Variants in ABCC12 observed in about 807,000 individuals in gnomAD.
The protein encoded by ABCC12 is ATP-binding cassette sub-family C member 12.
In ABCC12, 142 loss-of-function variants were observed where a neutral mutation model predicts 151.1. The observed-to-expected ratio is 0.94, with a 90% confidence interval of 0.82 to 1.08. The LOEUF (loss-of-function observed/expected upper bound fraction) is 1.08. Ranked by LOEUF, ABCC12 falls within the 50% of genes least tolerant of loss-of-function variation. ABCC12 has a pLI of 0.00. For missense variants in ABCC12, 1,638 were observed against 1,691.1 expected (o/e 0.97, Z 0.55); for synonymous variants, 645 against 646.4 (o/e 1.00, Z 0.03).
chr16:48,101,070 T>C (rs1963291419), intron 22 of ABCC12, 61 bp from the exon 23 acceptor site: 1 of 1,579,724 alleles, frequency 6.3e-7, no homozygotes, highest in South Asian at 1.2e-5. Context: ...AGGCTTGCCC[T>C]CACACATACA....
chr16:48,139,068 CT>C, intron 7 of ABCC12, 94 bp downstream of exon 7: 1 of 1,378,986 alleles, frequency 7.3e-7, no homozygotes, highest in Non-Finnish European at 9.8e-7. Context: ...GGGGCACAGG[CT>C]TCATGCGCCA....
intron 11 of ABCC12, among the ~76,000 whole-genome samples, chr16:48,125,756 C>T (rs905767641): frequency 3.3e-5 from 5 of 152,306 alleles, no homozygotes; most frequent in African/African-American, 7.2e-5. Context: ...AGACCAGAAA[C>T]GCCCATCCCC....
chr16:48,108,520 T>G lies in ABCC12; in HGVS notation c.2291A>C (p.His764Pro). ...SEFVDTKVPE[H>P]QLIQTESPQE... is the part of the protein sequence containing the mutation. ...GGGGGATTCAGTCTGGATGAGCTGGTGCTCAGGAACTGTGGAGACAAACAC... is the reference window on the plus strand; with the variant it reads ...GGGGGATTCAGTCTGGATGAGCTGGGGCTCAGGAACTGTGGAGACAAACAC... The change falls in exon 19 of 31, where the codon CAC (histidine) becomes CCC (proline). Residue 764 changes from histidine (H) to proline (P), a missense_variant. His to Pro is a moderately conservative substitution (Grantham distance 77, BLOSUM62 -2). Coordinates refer to ENST00000311303, the MANE Select transcript of ABCC12 (RefSeq NM_001393797.1). 6.2e-7 allele frequency: 1 copy of G among 1,614,030 alleles called. No homozygotes were observed. The highest frequency in any genetic ancestry group is 1.1e-5 in the South Asian group (1 of 91,030).
chr16:48,137,827 A>C (rs541166189), intron 8 of ABCC12, among the ~76,000 whole-genome samples: 1 of 152,330 alleles, frequency 6.6e-6, no homozygotes, highest in African/African-American at 2.4e-5. Flanking sequence ...TCCGAACACA[A>C]GGACGCTGCT....
At chr16:48,144,644 A>G (rs908995068) in intron 3 of ABCC12, among the ~76,000 whole-genome samples, 5 of 151,900 alleles carry the variant, frequency 3.3e-5, no homozygotes, top group Non-Finnish European at 5.9e-5. Flanking sequence ...CTGAGGCCAC[A>G]CCTCACTTTG....
rs1449530049 is a variant in ABCC12 at position 48,117,311 on chromosome 16, A to G, written c.1735T>C (p.Cys579Arg). The change falls in exon 14 of 31, where the codon TGT becomes CGT. Residue 579 changes from cysteine (C) to arginine (R), a missense_variant. Coordinates refer to ENST00000311303, the MANE Select transcript of ABCC12 (RefSeq NM_001393797.1). ...HQRYQHTVRV[C>R]GLQKDLSNLP... ...TTGCTCAGGTCCTTCTGGAGGCCACAGACGCGGACTGTGTGCTGATACCTG... is the reference window on the plus strand; with the variant it reads ...TTGCTCAGGTCCTTCTGGAGGCCACGGACGCGGACTGTGTGCTGATACCTG... 1 of 1,613,782 alleles carries G rather than the reference A, an allele frequency of 6.2e-7. No homozygotes were observed. The highest frequency in any genetic ancestry group is 1.3e-5 in the African/African-American group (1 of 74,944).
In ABCC12 at chr16:48,121,699, T is replaced by G. The variant is rs1299644338; in HGVS notation, c.1712+17A>C. On this transcript the variant is annotated intron_variant, in intron 13 of 30. Transcript: ENST00000311303. ...ACCAAACACAAATGTGCCTCCTGCT[T>G]TAAAAGTTAATATTACCTTTGGTGA... The G allele has an allele frequency of 6.2e-7, 1 of 1,613,962 alleles. No homozygotes were observed. Among genetic ancestry groups the G allele is most frequent in the Non-Finnish European group, 8.5e-7 (1 of 1,179,902 alleles).
At chr16:48,130,284 GATA>G (rs1317291666) in intron 10 of ABCC12, among the ~76,000 whole-genome samples, 7 of 152,160 alleles carry the variant, frequency 4.6e-5, no homozygotes, top group Admixed American at 4.6e-4. Context: ...GGCTCTTGAG[GATA>G]AAGCCTCTCT....
At chr16:48,145,189 A>G (rs953921236) in intron 3 of ABCC12, among the ~76,000 whole-genome samples, 3 of 152,122 alleles carry the variant, frequency 2.0e-5, no homozygotes, top group African/African-American at 7.2e-5. Context: ...GAGGGCTTAA[A>G]TGTGTGTGTC....
intron 15 of ABCC12, 63 bp from the exon 16 acceptor site, chr16:48,111,973 T>C: frequency 6.4e-7 from 1 of 1,569,102 alleles, no homozygotes. Flanking sequence ...GCCAAACTCC[T>C]CTCCAACCTT....
intron 24 of ABCC12, among the ~76,000 whole-genome samples, chr16:48,092,800 T>G (rs6500300): frequency 1 from 151,992 of 152,262 alleles, 75,861 homozygotes; most frequent in East Asian, 1. Flanking sequence ...TAGATAGGGG[T>G]TTCCAGAGGA....
Position 48,138,264 on chromosome 16 carries a change from A to G in ABCC12, c.943T>C (p.Tyr315His), listed in dbSNP as rs746106353. 41 of 1,611,842 alleles carry G rather than the reference A, an allele frequency of 2.5e-5. 3 individuals carry two copies. The South Asian group carries it at 4.3e-4, about 17-fold the overall frequency. The change falls in exon 8 of 31, where the codon TAT becomes CAT. Residue 315 changes from tyrosine to histidine, a missense_variant. Tyr to His is a moderately conservative substitution (Grantham distance 83). Transcript: ENST00000311303. Reference sequence around the variant, plus strand: ...TTGGTAAAAGATTTCTCCCAGGCATACATTTTGATCAGCCTGATGCAGGTC... The same window carrying G: ...TTGGTAAAAGATTTCTCCCAGGCATGCATTTTGATCAGCCTGATGCAGGTC... ...FLTCIRLIKM[Y>H]AWEKSFTNTI...
At chr16:48,135,714 TGTATGGG>T (rs1964586611) in intron 8 of ABCC12, among the ~76,000 whole-genome samples, 1 of 152,174 alleles carries the variant, frequency 6.6e-6, no homozygotes, top group Non-Finnish European at 1.5e-5. Flanking sequence ...AATACTATAC[TGTATGGG>T]GAGAAATAAA....
At chr16:48,132,210 C>T (rs1964451154) in intron 9 of ABCC12, among the ~76,000 whole-genome samples, 2 of 152,190 alleles carry the variant, frequency 1.3e-5, no homozygotes, top group South Asian at 2.1e-4. Flanking sequence ...AATTGGGCAG[C>T]GTTACATCCA....
intron 13 of ABCC12, among the ~76,000 whole-genome samples, chr16:48,117,635 G>A (rs1337511317): frequency 6.6e-6 from 1 of 152,208 alleles, no homozygotes; most frequent in Admixed American, 6.5e-5. Flanking sequence ...GAAACACTGA[G>A]GGCGCCACCT....
chr16:48,146,237 C>A (rs41280927), intron 3 of ABCC12, 69 bp downstream of exon 3: 17 of 1,400,698 alleles, frequency 1.2e-5, no homozygotes, highest in Non-Finnish European at 1.5e-5. Context: ...AGGAGCAGTG[C>A]CCACTCTCCT....
At chr16:48,150,773 C>A (rs1396269630) in intron 2 of ABCC12, among the ~76,000 whole-genome samples, 4 of 152,148 alleles carry the variant, frequency 2.6e-5, no homozygotes, top group Admixed American at 6.5e-5. Context: ...TGCATATTAA[C>A]TAGTGCATAA....
intron 11 of ABCC12, among the ~76,000 whole-genome samples, chr16:48,128,072 T>C (rs1964298945): frequency 6.6e-6 from 1 of 152,086 alleles, no homozygotes; most frequent in Non-Finnish European, 1.5e-5. Flanking sequence ...TGAGTTCTGA[T>C]TGCACCACTG....
intron 12 of ABCC12, 132 bp from the exon 13 acceptor site, chr16:48,121,972 C>G (rs970519504): frequency 5.3e-6 from 7 of 1,324,236 alleles, no homozygotes; most frequent in Admixed American, 2.3e-5. Context: ...GACAGGACAT[C>G]TTGTCCATGC....
Sources: allele counts gnomAD v4.1 joint callset (sites outside exome capture counted in the v4.1 genomes callset), GRCh38; gene constraint gnomAD v4.1.1; transcripts MANE v1.5; gene names NCBI Gene and HGNC (gene_info 2026-07-23, HGNC 2026-07-21).